The following GUCY1A2 variants were observed in gnomAD, a reference collection of about 807,000 sequenced individuals.
The protein encoded by GUCY1A2 is guanylate cyclase soluble subunit alpha-2.
A neutral mutation model predicts 63.5 loss-of-function variants in GUCY1A2; 27 were observed. The observed-to-expected ratio is 0.43, with a 90% confidence interval of 0.31 to 0.59. GUCY1A2 has a LOEUF of 0.59. Among genes scored for constraint, GUCY1A2 ranks in the 20% least tolerant of loss-of-function variants. The probability of loss-of-function intolerance (pLI) is 0.11; values close to 1 mark genes in which losing one functional copy is unlikely to be tolerated. For synonymous variants in GUCY1A2, 364 were observed against 343.5 expected, an observed-to-expected ratio of 1.06 and a Z score of -0.66; for missense variants, 768 against 913.3, an observed-to-expected ratio of 0.84 and a Z score of 2.05.
In GUCY1A2 at chr11:106,940,016, T is replaced by C; in HGVS notation, c.650A>G (p.Gln217Arg). The change falls in exon 4 of 8, where the codon CAG (glutamine) becomes CGG (arginine). Residue 217 changes from glutamine to arginine, a missense_variant. Gln to Arg is a conservative substitution (Grantham distance 43, BLOSUM62 1). Transcript: ENST00000526355. ...GAAAGATGGTGACTCCAGAGTGGCC[T>C]GTTTTCCAAAAGAAGTTCTAATGTG... ...LEHIRTSFGK[Q>R]ATLESPSFLC... 6.2e-7 allele frequency: 1 copy of C among 1,614,104 alleles called. No homozygotes were observed. Among genetic ancestry groups the C allele is most frequent in the Non-Finnish European group, 8.5e-7 (1 of 1,180,002 alleles).
intron 4 of GUCY1A2, among the ~76,000 whole-genome samples, chr11:106,883,162 C>A (rs1381269048): frequency 6.6e-6 from 1 of 152,056 alleles, no homozygotes; most frequent in Non-Finnish European, 1.5e-5. Flanking sequence ...ATTCTTTCCT[C>A]TGCCCGCAAT....
At chr11:106,909,355 CTGTGTGTG>C (rs59067320) in intron 4 of GUCY1A2, among the ~76,000 whole-genome samples, 14 of 120,042 alleles carry the variant, frequency 1.2e-4, no homozygotes, top group East Asian at 9.9e-4. Context: ...TGGTACTCAT[CTGTGTGTG>C]TGTGTGTGTG....
At chr11:106,790,670 G>T (rs1321895805) in intron 5 of GUCY1A2, among the ~76,000 whole-genome samples, 1 of 150,142 alleles carries the variant, frequency 6.7e-6, no homozygotes, top group Non-Finnish European at 1.5e-5. Context: ...ATCGCTGGTG[G>T]TTATTCAGGG....
chr11:106,813,262 A>AG (rs1166515230), intron 4 of GUCY1A2, among the ~76,000 whole-genome samples: 1 of 151,994 alleles, frequency 6.6e-6, no homozygotes, highest in Non-Finnish European at 1.5e-5. Flanking sequence ...AGCATAACAA[A>AG]GGGGAGTATT....
rs575878343 is a variant in GUCY1A2 at position 106,754,865 on chromosome 11, C to T, written c.1836+21574G>A. Among the ~76,000 whole-genome samples the T allele has an allele frequency of 1.1e-4, 17 of 152,222 alleles. No homozygotes were observed. In the East Asian group the frequency reaches 3.1e-3, roughly 28 times the overall value. ...GTTTTGGTATCAGGATGATGCTGGC[C>T]TCATAAAATGAGTTAGGGAGGATTC... is the stretch of plus-strand genomic sequence containing the variant. On this transcript the variant is annotated intron_variant, in intron 6 of 7. Coordinates refer to ENST00000526355, the MANE Select transcript of GUCY1A2 (RefSeq NM_000855.3).
intron 6 of GUCY1A2, among the ~76,000 whole-genome samples, chr11:106,734,699 C>T (rs1211288768): frequency 6.6e-6 from 1 of 152,124 alleles, no homozygotes; most frequent in Non-Finnish European, 1.5e-5. Context: ...TTCTGAATCA[C>T]TTTTCAAGTT....
In GUCY1A2 at chr11:106,681,845, A is replaced by G; in HGVS notation, c.*5704T>C. On this transcript the variant is annotated 3_prime_UTR_variant, in exon 8 of 8. Transcript: ENST00000526355. ...TGTTACACGGTATTGCTTGGAAATC[A>G]GTTTTCAGATAATGTACAATTCAAT... The G allele has an allele frequency of 4.6e-6, 1 of 216,126 alleles. No homozygotes were observed. Among genetic ancestry groups the G allele is most frequent in the Non-Finnish European group, 9.3e-6 (1 of 107,288 alleles). 13.4% of individuals were successfully genotyped at this position (216,126 alleles called of 1,614,324 possible). A position where few individuals can be genotyped will look rare whatever the true frequency, so the allele number is the denominator to read the frequency against.
intron 4 of GUCY1A2, among the ~76,000 whole-genome samples, chr11:106,889,246 T>A (rs927884762): frequency 1.3e-5 from 2 of 152,180 alleles, no homozygotes; most frequent in African/African-American, 4.8e-5. Context: ...CACAGTATTT[T>A]TGGTATATTT....
chr11:106,813,134 TA>T (rs1858786260), intron 4 of GUCY1A2, among the ~76,000 whole-genome samples: 1 of 152,002 alleles, frequency 6.6e-6, no homozygotes, highest in African/African-American at 2.4e-5. Flanking sequence ...GCTTAAAATA[TA>T]AACATCTATC....
intron 6 of GUCY1A2, among the ~76,000 whole-genome samples, chr11:106,750,804 T>C (rs1053519817): frequency 6.6e-5 from 10 of 151,766 alleles, no homozygotes; most frequent in African/African-American, 2.2e-4. Context: ...CTTTTTTTTT[T>C]CTATAATATT....
intron 5 of GUCY1A2, among the ~76,000 whole-genome samples, chr11:106,798,088 A>T (rs1309393134): frequency 6.6e-6 from 1 of 152,174 alleles, no homozygotes; most frequent in Non-Finnish European, 1.5e-5. Context: ...GGATATCACC[A>T]CCAATCCCAC....
chr11:106,938,669 G>A (rs1860711402), intron 4 of GUCY1A2, among the ~76,000 whole-genome samples: 1 of 151,898 alleles, frequency 6.6e-6, no homozygotes, highest in South Asian at 2.1e-4. Flanking sequence ...AAAAAATCAT[G>A]GTTTATTTTT....
rs565335307 is a variant in GUCY1A2 at position 106,999,957 on chromosome 11, C to T, written c.304-13826G>A. Among the ~76,000 whole-genome samples the T allele has an allele frequency of 9.2e-5, 14 of 152,216 alleles. No individual in the cohort carries two copies. In the East Asian group the frequency reaches 1.5e-3, roughly 17 times the overall value. ...TTATTCCTTCCATTTTTCCCTCACCCGCAACCCAAGAATGCAGCTGAATAA... is the reference window on the plus strand; with the variant it reads ...TTATTCCTTCCATTTTTCCCTCACCTGCAACCCAAGAATGCAGCTGAATAA... On this transcript the variant is annotated intron_variant, in intron 1 of 7. Transcript: ENST00000526355.
intron 3 of GUCY1A2, among the ~76,000 whole-genome samples, chr11:106,961,044 A>G (rs2120062270): frequency 6.6e-6 from 1 of 152,262 alleles, no homozygotes; most frequent in African/African-American, 2.4e-5. Context: ...CTGCAGACAC[A>G]GCATAAGAAC....
intron 5 of GUCY1A2, among the ~76,000 whole-genome samples, chr11:106,796,220 C>T (rs992535406): frequency 6.6e-6 from 1 of 152,108 alleles, no homozygotes; most frequent in Admixed American, 6.6e-5. Context: ...TGAGATGGGT[C>T]TCCTGAATAC....
intron 4 of GUCY1A2, among the ~76,000 whole-genome samples, chr11:106,900,132 G>A (rs947200990): frequency 6.7e-6 from 1 of 150,198 alleles, no homozygotes; most frequent in African/African-American, 2.4e-5. Flanking sequence ...GCCAATCAAT[G>A]TAAGATGCCT....
At chr11:106,963,124 A>C (rs1039537340) in intron 3 of GUCY1A2, among the ~76,000 whole-genome samples, 10 of 152,206 alleles carry the variant, frequency 6.6e-5, no homozygotes, top group Admixed American at 5.2e-4. Flanking sequence ...AAATACTTTG[A>C]TAGCACATTG....
chr11:107,010,127 T>G (rs1157236075), intron 1 of GUCY1A2, among the ~76,000 whole-genome samples: 1 of 152,184 alleles, frequency 6.6e-6, no homozygotes, highest in African/African-American at 2.4e-5. Flanking sequence ...GAATGTTTAC[T>G]CTTTCTCATT....
intron 5 of GUCY1A2, among the ~76,000 whole-genome samples, chr11:106,792,385 C>CAA (rs60149576): frequency 1.7e-4 from 14 of 84,790 alleles, no homozygotes; most frequent in African/African-American, 2.6e-4. Context: ...GACTCCATCT[C>CAA]AAAAAAAAAA....
Sources: gnomAD v4.1 joint callset for allele counts (sites outside exome capture counted in the v4.1 genomes callset) on GRCh38, gnomAD v4.1.1 for gene constraint, MANE v1.5 for transcripts, NCBI Gene and HGNC (gene_info 2026-07-23, HGNC 2026-07-21) for gene names.